The following SELENBP1 variants were observed in gnomAD, a reference collection of about 807,000 sequenced individuals.
SELENBP1 encodes the protein methanethiol oxidase.
A neutral mutation model predicts 61.0 loss-of-function variants in SELENBP1; 71 were observed. The observed-to-expected ratio is 1.16, with a 90% confidence interval of 0.96 to 1.42. SELENBP1 has a LOEUF of 1.42. Among genes scored for constraint, SELENBP1 ranks in the 40% most tolerant of loss-of-function variants. SELENBP1 has a pLI of 0.00. For synonymous variants in SELENBP1, 270 were observed against 238.9 expected, an observed-to-expected ratio of 1.13 and a Z score of -1.20; for missense variants, 561 against 605.0, an observed-to-expected ratio of 0.93 and a Z score of 0.76.
At position 151,364,722 on chromosome 1, in the gene SELENBP1, TG is replaced by T. The variant is rs771637383; in HGVS notation, c.1257-18del. ...GAGCCTTCCCTGGTGGAAAAGGGAA[TG>T]GGGTAAGGGAGAGGTCAGAGGTGGC... On this transcript the variant is annotated intron_variant, in intron 11 of 11. Coordinates refer to ENST00000368868, the MANE Select transcript of SELENBP1 (RefSeq NM_003944.4). 11 of 1,568,302 alleles carry T rather than the reference TG, an allele frequency of 7.0e-6. No homozygotes were observed. The South Asian group carries it at 1.1e-4, about 15-fold the overall frequency.
rs139909868 is a variant in SELENBP1, at chr1:151,365,491, A to G, written c.1044+72T>C. 737 of 1,603,828 alleles carry G rather than the reference A, an allele frequency of 4.6e-4. 4 individuals are homozygous for G. The African/African-American group carries it at 8.0e-3, about 17-fold the overall frequency. Reference sequence around the variant, plus strand: ...CCTCAACATCCTGCAGCTGCTTCAGATCATCCACCCCATCCCCAGCTTCTC... The same window carrying G: ...CCTCAACATCCTGCAGCTGCTTCAGGTCATCCACCCCATCCCCAGCTTCTC... On this transcript the variant is annotated intron_variant, in intron 9 of 11. Transcript: ENST00000368868.
At position 151,369,178 on chromosome 1, in the gene SELENBP1, C is replaced by T; in HGVS notation, c.186G>A (p.Arg62=). 6.2e-7 allele frequency: 1 copy of T among 1,610,748 alleles called. No homozygotes were observed. The highest frequency in any genetic ancestry group is 8.5e-7 in the Non-Finnish European group (1 of 1,177,478). The part of the protein sequence containing the change: ...KSPQYCQVIH[R]LPMPNLKDEL... ...CGTCCTTCAGGTTGGGCATGGGCAG[C>T]CGGTGGATGACCTAGGATGCGGGGA... is the stretch of plus-strand genomic sequence containing the variant. Residue 62 remains arginine, a synonymous_variant, in exon 4 of 12, where the codon CGG becomes CGA. Transcript: ENST00000368868.
intron 6 of SELENBP1, 62 bp downstream of exon 6, chr1:151,366,660 T>A: frequency 6.4e-7 from 1 of 1,573,076 alleles, no homozygotes; most frequent in Non-Finnish European, 8.7e-7. Context: ...GTGGGAGATT[T>A]GGAGCAGAAA....
At chr1:151,366,991 G>C in intron 5 of SELENBP1, 87 bp from the exon 6 acceptor site, 1 of 1,544,396 alleles carries the variant, frequency 6.5e-7, no homozygotes, top group Non-Finnish European at 8.7e-7. Context: ...GCATGTCTAA[G>C]AGGCTGTAAG....
intron 5 of SELENBP1, 126 bp from the exon 6 acceptor site, chr1:151,367,030 T>C (rs1651867939): frequency 6.8e-7 from 1 of 1,477,908 alleles, no homozygotes. Flanking sequence ...ACTGCTGGAT[T>C]TGCCAGTTCC....
At chr1:151,366,118 A>C in intron 7 of SELENBP1, 157 bp downstream of exon 7, 1 of 895,192 alleles carries the variant, frequency 1.1e-6, no homozygotes, top group South Asian at 1.6e-5. Context: ...GTTAGGGTTC[A>C]GGCAGAAGTT....
intron 1 of SELENBP1, among the ~76,000 whole-genome samples, chr1:151,371,088 A>G (rs977736123): frequency 6.6e-6 from 1 of 152,214 alleles, no homozygotes; most frequent in African/African-American, 2.4e-5. Flanking sequence ...AAGGCCTTTC[A>G]TAAAAATGAA....
At chr1:151,365,737 G>T (rs769757943) in intron 8 of SELENBP1, 31 bp downstream of exon 8, 10 of 1,614,014 alleles carry the variant, frequency 6.2e-6, no homozygotes, top group Non-Finnish European at 8.5e-6. Flanking sequence ...CCCAGGCCAA[G>T]AATCAACTTT....
chr1:151,367,590 A>G (rs1651914908), intron 5 of SELENBP1, among the ~76,000 whole-genome samples: 1 of 151,906 alleles, frequency 6.6e-6, no homozygotes, highest in African/African-American at 2.4e-5. Context: ...CCACTTTTGG[A>G]GTGGGATTCC....
At position 151,366,381 on chromosome 1, in the gene SELENBP1, T is replaced by C; in HGVS notation, c.737A>G (p.Asp246Gly). 1 of 1,614,116 alleles carries C rather than the reference T, an allele frequency of 6.2e-7. No individual in the cohort carries two copies. Among genetic ancestry groups the C allele is most frequent in the South Asian group, 1.1e-5 (1 of 91,086 alleles). ...GCGGATCTCCAAGGGAATAAGCCCATCTTTTAGAGACAGGGTCTGCACAAT... is the reference window on the plus strand; with the variant it reads ...GCGGATCTCCAAGGGAATAAGCCCACCTTTTAGAGACAGGGTCTGCACAAT... ...HEIVQTLSLK[D>G]GLIPLEIRFL... The change falls in exon 7 of 12, where the codon GAT becomes GGT. Residue 246 changes from aspartate (D) to glycine (G), a missense_variant. Asp to Gly is a moderately conservative substitution (Grantham distance 94). Transcript: ENST00000368868.
chr1:151,368,829 G>T (rs978621763), intron 4 of SELENBP1, among the ~76,000 whole-genome samples, 175 bp downstream of exon 4: 1 of 152,226 alleles, frequency 6.6e-6, no homozygotes, highest in Non-Finnish European at 1.5e-5. Flanking sequence ...GGAGGGTGAT[G>T]ACCCAGAATG....
Position 151,364,639 on chromosome 1 carries a change from G to A in SELENBP1, c.1323C>T (p.Asn441=), listed in dbSNP as rs1363033403. 6.2e-7 allele frequency: 1 copy of A among 1,613,216 alleles called. No individual in the cohort carries two copies. The highest frequency in any genetic ancestry group is 1.3e-5 in the African/African-American group (1 of 74,908). ...TVKGGLKLNP[N]FLVDFGKEPL... ...GCTCCTTCCCGAAGTCCACCAGGAAGTTGGGGTTCAACTTCAGCCCTCCTT... is the reference window on the plus strand; with the variant it reads ...GCTCCTTCCCGAAGTCCACCAGGAAATTGGGGTTCAACTTCAGCCCTCCTT... Residue 441 remains asparagine, a synonymous_variant, in exon 12 of 12, where the codon AAC becomes AAT. Transcript: ENST00000368868.
chr1:151,369,527 G>T lies in SELENBP1; in HGVS notation c.89C>A (p.Pro30His). 1 of 1,610,600 alleles carries T rather than the reference G, an allele frequency of 6.2e-7. No individual in the cohort carries two copies. Among genetic ancestry groups the T allele is most frequent in the Non-Finnish European group, 8.5e-7 (1 of 1,178,710 alleles). ...AGTGCCTGTGTTTCGGTAAATGCAG[G>T]GCAGGTAGACGATCTCTTCCCTGGG... ...KGPREEIVYL[P>H]CIYRNTGTEA... Residue 30 changes from proline (P) to histidine (H), a missense_variant, in exon 3 of 12, where the codon CCC becomes CAC. Coordinates refer to ENST00000368868, the MANE Select transcript of SELENBP1 (RefSeq NM_003944.4).
At chr1:151,366,044 A>G in intron 7 of SELENBP1, 198 bp from the exon 8 acceptor site, 1 of 724,132 alleles carries the variant, frequency 1.4e-6, no homozygotes. Context: ...TTCCCAGAAC[A>G]TAGCACAGTG....
At chr1:151,364,903 G>A in intron 11 of SELENBP1, 23 bp downstream of exon 11, 1 of 1,606,974 alleles carries the variant, frequency 6.2e-7, no homozygotes, top group Non-Finnish European at 8.5e-7. Context: ...CTGGGGAGGA[G>A]AGCCCATGTG....
In SELENBP1 at chr1:151,369,076, C is replaced by A. The variant is rs781472342; in HGVS notation, c.288G>T (p.Leu96=). 2.5e-6 allele frequency: 4 copies of A among 1,613,908 alleles called. No homozygotes were observed. The African/African-American group carries it at 5.3e-5, about 22-fold the overall frequency. The change falls in exon 4 of 12, where the codon CTG becomes CTT. Residue 96 remains leucine, a synonymous_variant. Transcript: ENST00000368868. ...AGATGCGAGAGGAGATGAGACTGGGCAGCACCAGCTTGGTGCGCGACTTGG... is the reference window on the plus strand; with the variant it reads ...AGATGCGAGAGGAGATGAGACTGGGAAGCACCAGCTTGGTGCGCGACTTGG... ...DSTKSRTKLV[L]PSLISSRIYV...
At chr1:151,365,117 C>T (rs2102089958) in intron 10 of SELENBP1, 72 bp downstream of exon 10, 2 of 1,583,252 alleles carry the variant, frequency 1.3e-6, no homozygotes, top group African/African-American at 1.3e-5. Context: ...CAAGAGTATG[C>T]TCAGCTGCTC....
chr1:151,368,355 G>C (rs568115579), intron 4 of SELENBP1, 36 bp from the exon 5 acceptor site: 11 of 1,604,244 alleles, frequency 6.9e-6, no homozygotes, highest in Non-Finnish European at 7.7e-6. Flanking sequence ...GAATCATACA[G>C]GACTGGGAGT....
At chr1:151,366,139 T>C (rs950155191) in intron 7 of SELENBP1, 136 bp downstream of exon 7, 2 of 1,096,678 alleles carry the variant, frequency 1.8e-6, no homozygotes, top group South Asian at 1.5e-5. Context: ...GCCCTAGCAC[T>C]GAGAGAAGAG....
Sources: allele counts gnomAD v4.1 joint callset (sites outside exome capture counted in the v4.1 genomes callset), GRCh38; gene constraint gnomAD v4.1.1; transcripts MANE v1.5; gene names NCBI Gene and HGNC (gene_info 2026-07-23, HGNC 2026-07-21).